Variants in RPGRIP1 observed in about 807,000 individuals in gnomAD.
The protein encoded by RPGRIP1 is X-linked retinitis pigmentosa GTPase regulator-interacting protein 1.
In RPGRIP1, 128 loss-of-function variants were observed where a neutral mutation model predicts 157.9. The observed-to-expected ratio is 0.81, with a 90% CI of 0.70 to 0.94. The LOEUF (loss-of-function observed/expected upper bound fraction) is 0.94. RPGRIP1 is among the 40% of genes least tolerant of loss of function. The pLI, the probability that RPGRIP1 is intolerant of heterozygous loss-of-function variation, is 0.00. For synonymous variants in RPGRIP1, 554 were observed against 571.6 expected, an observed-to-expected ratio of 0.97 and a Z score of 0.44; for missense variants, 1,486 against 1,545.8, an observed-to-expected ratio of 0.96 and a Z score of 0.65.
intron 21 of RPGRIP1, among the ~76,000 whole-genome samples, chr14:21,338,933 G>A (rs1884689269): frequency 6.6e-6 from 1 of 152,036 alleles, no homozygotes. Flanking sequence ...GAGGTCAGGA[G>A]TTCGAGACAA....
chr14:21,308,658 C>T (rs965283868), intron 7 of RPGRIP1, among the ~76,000 whole-genome samples: 7 of 151,964 alleles, frequency 4.6e-5, no homozygotes, highest in African/African-American at 1.7e-4. Flanking sequence ...CTTTAAGGAG[C>T]GGAGAGTTTA....
In RPGRIP1 at chr14:21,303,482, A is replaced by G; in HGVS notation, c.739A>G (p.Lys247Glu). Residue 247 changes from lysine (K) to glutamate (E), a missense_variant, in exon 6 of 25, where the codon AAA becomes GAA. Coordinates refer to ENST00000400017, the MANE Select transcript of RPGRIP1 (RefSeq NM_020366.4). ...PPKSPEKMWP[K>E]DENFEQRSSL... ...CAAGTCTCCTGAGAAAATGTGGCCT[A>G]AAGATGAAAATTTTGAACAGAGAAG... 1.9e-6 allele frequency: 3 copies of G among 1,613,970 alleles called. No individual in the cohort carries two copies. The highest frequency in any genetic ancestry group is 1.7e-6 in the Non-Finnish European group (2 of 1,179,880).
chr14:21,346,134 A>G (rs1035891331), intron 23 of RPGRIP1, among the ~76,000 whole-genome samples: 3 of 152,162 alleles, frequency 2.0e-5, no homozygotes, highest in Non-Finnish European at 4.4e-5. Context: ...TGATGTTGAC[A>G]TAACTAAGTG....
intron 1 of RPGRIP1, among the ~76,000 whole-genome samples, chr14:21,286,223 T>A (rs1880293495): frequency 6.6e-6 from 1 of 151,842 alleles, no homozygotes; most frequent in Admixed American, 6.6e-5. Flanking sequence ...ACTCCTGACC[T>A]CGGGCGATCC....
intron 21 of RPGRIP1, among the ~76,000 whole-genome samples, chr14:21,337,346 C>G (rs550094675): frequency 6.6e-6 from 1 of 151,290 alleles, no homozygotes; most frequent in African/African-American, 2.4e-5. Context: ...ATACAGTGCC[C>G]GAGACAAATT....
intron 3 of RPGRIP1, among the ~76,000 whole-genome samples, chr14:21,295,170 C>T (rs544775892): frequency 2.2e-3 from 342 of 152,042 alleles, no homozygotes; most frequent in Admixed American, 3.9e-3. Context: ...AGCAATATTT[C>T]TTTAGTCAAT....
At chr14:21,331,741 G>A (rs1399357088) in intron 20 of RPGRIP1, among the ~76,000 whole-genome samples, 2 of 151,936 alleles carry the variant, frequency 1.3e-5, no homozygotes, top group South Asian at 2.1e-4. Flanking sequence ...TTGGCTGAAC[G>A]GTGATAGAGA....
At chr14:21,283,279 T>C (rs2139126604) in intron 1 of RPGRIP1, among the ~76,000 whole-genome samples, 1 of 152,266 alleles carries the variant, frequency 6.6e-6, no homozygotes, top group African/African-American at 2.4e-5. Context: ...AGTAAACCTG[T>C]AGATGCTACT....
Position 21,301,081 on chromosome 14 carries a change from C to A in RPGRIP1, c.334C>A (p.Arg112Ser). Residue 112 changes from arginine to serine, a missense_variant, in exon 4 of 25, where the codon CGC (arginine) becomes AGC (serine). Coordinates refer to ENST00000400017, the MANE Select transcript of RPGRIP1 (RefSeq NM_020366.4). ...RRGQKAGWRQRLSMHQRPQMH... is the reference protein window; with the variant it reads ...RRGQKAGWRQSLSMHQRPQMH... ...CGGGCAGAAGGCGGGATGGCGGCAG[C>A]GCCTCTCCATGCACCAGCGCCCCCA... The A allele has an allele frequency of 6.2e-7, 1 of 1,612,570 alleles. No individual in the cohort carries two copies. Among genetic ancestry groups the A allele is most frequent in the South Asian group, 1.1e-5 (1 of 91,020 alleles).
chr14:21,286,219 G>T (rs1880293245), intron 1 of RPGRIP1, among the ~76,000 whole-genome samples: 1 of 151,978 alleles, frequency 6.6e-6, no homozygotes, highest in Non-Finnish European at 1.5e-5. Flanking sequence ...TTGAACTCCT[G>T]ACCTCGGGCG....
chr14:21,338,184 G>A (rs928594504), intron 21 of RPGRIP1, among the ~76,000 whole-genome samples: 1 of 152,160 alleles, frequency 6.6e-6, no homozygotes, highest in Non-Finnish European at 1.5e-5. Context: ...CCAAAGTGCC[G>A]GGATTACAGG....
chr14:21,309,835 A>T (rs924894748), intron 7 of RPGRIP1, among the ~76,000 whole-genome samples: 1 of 32,584 alleles, frequency 3.1e-5, no homozygotes, highest in Admixed American at 2.9e-4. Flanking sequence ...AAATAAATTT[A>T]AAAAAAAAGT....
In RPGRIP1 at chr14:21,350,747, A is replaced by C. The variant is rs60512671; in HGVS notation, c.3749-357A>C. On this transcript the variant is annotated intron_variant, in intron 24 of 24. Transcript: ENST00000400017. Reference sequence around the variant, plus strand: ...GCAAGTGACGTTATCTTTGTGGGCTATTTTCCAACTCACTCCTATCCCCAT... The same window carrying C: ...GCAAGTGACGTTATCTTTGTGGGCTCTTTTCCAACTCACTCCTATCCCCAT... 8.5e-5 allele frequency among the ~76,000 whole-genome samples: 13 copies of C among 152,196 alleles called. No individual in the cohort carries two copies. In the East Asian group the frequency reaches 2.5e-3, roughly 29 times the overall value.
intron 3 of RPGRIP1, among the ~76,000 whole-genome samples, chr14:21,295,099 C>T (rs1248976406): frequency 1.3e-5 from 2 of 151,850 alleles, no homozygotes; most frequent in Admixed American, 6.6e-5. Context: ...CCACCTCGGC[C>T]TCCCAAAGTG....
intron 14 of RPGRIP1, 118 bp from the exon 15 acceptor site, chr14:21,324,500 G>A (rs1318877016): frequency 1.3e-5 from 11 of 869,448 alleles, no homozygotes; most frequent in African/African-American, 3.3e-5. Context: ...GTGGTTTCTT[G>A]AAATAATCAC....
At chr14:21,350,393 A>AAG (rs1566375392) in intron 24 of RPGRIP1, among the ~76,000 whole-genome samples, 1 of 148,802 alleles carries the variant, frequency 6.7e-6, no homozygotes, top group Admixed American at 6.7e-5. Flanking sequence ...AAAAAAAAAA[A>AAG]AAAGAAAACA....
At chr14:21,328,769 T>C in intron 19 of RPGRIP1, 142 bp downstream of exon 19, 1 of 638,490 alleles carries the variant, frequency 1.6e-6, no homozygotes, top group Non-Finnish European at 2.7e-6. Flanking sequence ...CGGCCTGTAA[T>C]CCCAGCACTT....
chr14:21,339,882 T>A (rs2139318613), intron 21 of RPGRIP1, among the ~76,000 whole-genome samples: 1 of 152,288 alleles, frequency 6.6e-6, no homozygotes, highest in African/African-American at 2.4e-5. Flanking sequence ...TACATACTAC[T>A]GAGGGAAAAT....
chr14:21,317,567 CA>C, intron 10 of RPGRIP1, 128 bp from the exon 11 acceptor site: 1 of 1,533,798 alleles, frequency 6.5e-7, no homozygotes, highest in Non-Finnish European at 8.8e-7. Context: ...ATGAATAAAG[CA>C]AGGGCAGAAA....
Sources: allele counts gnomAD v4.1 joint callset (sites outside exome capture counted in the v4.1 genomes callset), GRCh38; gene constraint gnomAD v4.1.1; transcripts MANE v1.5; gene names NCBI Gene and HGNC (gene_info 2026-07-23, HGNC 2026-07-21).